UBLCP1: variants seen among roughly 807,000 people sequenced by gnomAD.
UBLCP1 encodes the protein ubiquitin-like domain-containing CTD phosphatase 1.
A neutral mutation model predicts 42.4 loss-of-function variants in UBLCP1; 28 were observed. That is an observed-to-expected ratio of 0.66 (90% CI 0.49 to 0.90). UBLCP1 has a LOEUF of 0.90. Among genes scored for constraint, UBLCP1 ranks in the 40% least tolerant of loss-of-function variants. The pLI, the probability that UBLCP1 is intolerant of heterozygous loss-of-function variation, is 0.00. For synonymous variants in UBLCP1, 122 were observed against 120.8 expected (o/e 1.01, Z -0.07); for missense variants, 279 against 374.5 (o/e 0.75, Z 2.10).
chr5:159,282,991 G>C (rs1178053532), intron 9 of UBLCP1, among the ~76,000 whole-genome samples: 1 of 152,002 alleles, frequency 6.6e-6, no homozygotes, highest in Non-Finnish European at 1.5e-5. Context: ...GTGTTGTCAG[G>C]TTCAGATTGA....
chr5:159,276,449 C>G (rs956602459), intron 8 of UBLCP1, among the ~76,000 whole-genome samples: 1 of 151,910 alleles, frequency 6.6e-6, no homozygotes, highest in African/African-American at 2.4e-5. Context: ...CTGCATGTAT[C>G]GAGAAAAAGA....
chr5:159,274,532 T>A (rs1020750522), intron 6 of UBLCP1, 53 bp from the exon 7 acceptor site: 30 of 1,521,376 alleles, frequency 2.0e-5, no homozygotes, highest in Admixed American at 9.6e-5. Flanking sequence ...AGATTTTTTT[T>A]AAAGAAATTC....
At position 159,270,579 on chromosome 5, in the gene UBLCP1, A is replaced by G. The variant is rs1396635893; in HGVS notation, c.384A>G (p.Glu128=). Residue 128 remains glutamate (E), a synonymous_variant, in exon 5 of 11, where the codon GAA becomes GAG. Transcript: ENST00000296786. ...GCAGAGTGAAAGAGTACAAAGTGGA[A>G]ATTTTGAATCCTCCCAGGGAAGGGA... The part of the protein sequence containing the change: ...ISRRVKEYKV[E]ILNPPREGKK... 1.2e-6 allele frequency: 2 copies of G among 1,611,668 alleles called. No individual in the cohort carries two copies. Among genetic ancestry groups the G allele is most frequent in the Non-Finnish European group, 1.7e-6 (2 of 1,179,266 alleles).
intron 5 of UBLCP1, among the ~76,000 whole-genome samples, 163 bp downstream of exon 5, chr5:159,270,806 C>CA (rs372629838): frequency 0.013 from 1,621 of 120,714 alleles, 25 homozygotes; most frequent in African/African-American, 0.044. Context: ...TACAGATAAG[C>CA]AAAAAAAAAA....
chr5:159,267,304 C>T (rs1447047397), intron 1 of UBLCP1, among the ~76,000 whole-genome samples: 1 of 152,102 alleles, frequency 6.6e-6, no homozygotes, highest in African/African-American at 2.4e-5. Flanking sequence ...TTTGACTGCC[C>T]CGCTGGATTT....
intron 9 of UBLCP1, among the ~76,000 whole-genome samples, chr5:159,280,297 C>T (rs1368438): frequency 0.44 from 66,775 of 152,088 alleles, 15,618 homozygotes; most frequent in Non-Finnish European, 0.51. Flanking sequence ...CTGCCCACGT[C>T]GGCATAGAAA....
At chr5:159,263,625 A>G (rs1753331786) in intron 1 of UBLCP1, among the ~76,000 whole-genome samples, 1 of 152,042 alleles carries the variant, frequency 6.6e-6, no homozygotes, top group South Asian at 2.1e-4. Context: ...CCGTCTTCTC[A>G]GGCTTGTCCA....
Position 159,275,164 on chromosome 5 carries a change from C to G in UBLCP1, c.602C>G (p.Thr201Arg), listed in dbSNP as rs1753517907. The change falls in exon 8 of 11, where the codon ACA becomes AGA. Residue 201 changes from threonine to arginine, a missense_variant. By Grantham distance (71) the Thr-to-Arg change is moderately conservative. Coordinates refer to ENST00000296786, the MANE Select transcript of UBLCP1 (RefSeq NM_145049.5). ...EAKMKELGVS[T>R]NANYKITFML... is the part of the protein sequence containing the mutation. ...TGTTTATAGGAGCTGGGAGTGAGCA[C>G]AAATGCAAATTATAAGATTACTTTC... 1 of 1,613,078 alleles carries G rather than the reference C, an allele frequency of 6.2e-7. No individual in the cohort carries two copies.
At chr5:159,272,186 A>T in intron 6 of UBLCP1, 65 bp downstream of exon 6, 1 of 1,299,886 alleles carries the variant, frequency 7.7e-7, no homozygotes, top group South Asian at 1.3e-5. Context: ...ATTGTGCTGT[A>T]TAAAATGTGA....
intron 2 of UBLCP1, 85 bp from the exon 3 acceptor site, chr5:159,269,823 T>G: frequency 9.0e-7 from 1 of 1,114,370 alleles, no homozygotes; most frequent in East Asian, 2.5e-5. Context: ...GTACCAAACC[T>G]TTTAATGTTA....
In UBLCP1 at chr5:159,270,428, A is replaced by G. The variant is rs150167766; in HGVS notation, c.315A>G (p.Val105=). ...ATGACTTTGATATTGAAGATGAAGT[A>G]GTTGAAGTAGAAAATAGGTAAGTGC... ...VVNDFDIEDE[V]VEVENREENL... is the part of the protein sequence containing the mutation. The change falls in exon 4 of 11, where the codon GTA becomes GTG. Residue 105 remains valine, a synonymous_variant. Transcript: ENST00000296786. The G allele has an allele frequency of 1.7e-5, 28 of 1,613,308 alleles. No individual in the cohort carries two copies. Among genetic ancestry groups the G allele is most frequent in the Non-Finnish European group, 2.3e-5 (27 of 1,179,560 alleles).
chr5:159,272,131 AT>A lies in UBLCP1; in HGVS notation c.547+17del. ...GACATTGTTATTTGGTGTAAGCTGT[AT>A]TTTTTTGTTTAGATTTCCGTGGAAA... is the stretch of plus-strand genomic sequence containing the variant. On this transcript the variant is annotated intron_variant, in intron 6 of 10. Coordinates refer to ENST00000296786, the MANE Select transcript of UBLCP1 (RefSeq NM_145049.5). 1 of 1,606,536 alleles carries A rather than the reference AT, an allele frequency of 6.2e-7. No homozygotes were observed. The highest frequency in any genetic ancestry group is 8.5e-7 in the Non-Finnish European group (1 of 1,174,590).
Position 159,270,452 on chromosome 5 carries a change from G to C in UBLCP1, c.332+7G>C. On this transcript the variant is annotated splice_region_variant and intron_variant, in intron 4 of 10. Transcript: ENST00000296786. ...TAGTTGAAGTAGAAAATAGGTAAGTGCTTTTCGCTTTAGAAGTAATCAGTT... is the reference window on the plus strand; with the variant it reads ...TAGTTGAAGTAGAAAATAGGTAAGTCCTTTTCGCTTTAGAAGTAATCAGTT... 6.2e-7 allele frequency: 1 copy of C among 1,611,860 alleles called. No homozygotes were observed. Among genetic ancestry groups the C allele is most frequent in the East Asian group, 2.2e-5 (1 of 44,760 alleles).
chr5:159,265,281 G>C (rs1164128780), intron 1 of UBLCP1, among the ~76,000 whole-genome samples: 1 of 152,090 alleles, frequency 6.6e-6, no homozygotes, highest in Admixed American at 6.6e-5. Flanking sequence ...TCTTGCAGTT[G>C]GTCCTAATAG....
At chr5:159,278,682 C>T (rs962127971) in intron 9 of UBLCP1, among the ~76,000 whole-genome samples, 16 of 152,090 alleles carry the variant, frequency 1.1e-4, no homozygotes, top group African/African-American at 3.9e-4. Flanking sequence ...AAGTGATTCT[C>T]CTGCCTCAGC....
intron 1 of UBLCP1, among the ~76,000 whole-genome samples, chr5:159,265,224 T>A (rs1753371677): frequency 6.6e-6 from 1 of 152,242 alleles, no homozygotes; most frequent in Non-Finnish European, 1.5e-5. Context: ...TAGGAGACAC[T>A]GTTTTTAAAT....
At chr5:159,282,616 A>C (rs1236374288) in intron 9 of UBLCP1, among the ~76,000 whole-genome samples, 4 of 152,156 alleles carry the variant, frequency 2.6e-5, no homozygotes, top group African/African-American at 9.6e-5. Flanking sequence ...GATCAGCCTT[A>C]AACATTTGGA....
intron 1 of UBLCP1, 52 bp from the exon 2 acceptor site, chr5:159,268,818 C>A: frequency 7.3e-7 from 1 of 1,361,162 alleles, no homozygotes; most frequent in Non-Finnish European, 1.0e-6. Flanking sequence ...AAAAGTTTGG[C>A]TTCAATAAAC....
At position 159,269,707 on chromosome 5, in the gene UBLCP1, C is replaced by T. The variant is rs373620056; in HGVS notation, c.155-201C>T. 1.4e-4 allele frequency among the ~76,000 whole-genome samples: 21 copies of T among 152,224 alleles called. 1 individual carries two copies. In the South Asian group the frequency reaches 4.1e-3, roughly 30 times the overall value. ...TAACATAGAATTGGGGAGAAAATAA[C>T]CCTTGTATTAATTTTGACTTCTTCG... On this transcript the variant is annotated intron_variant, in intron 2 of 10. Coordinates refer to ENST00000296786, the MANE Select transcript of UBLCP1 (RefSeq NM_145049.5).
Sources: gnomAD v4.1 joint callset for allele counts (sites outside exome capture counted in the v4.1 genomes callset) on GRCh38, gnomAD v4.1.1 for gene constraint, MANE v1.5 for transcripts, NCBI Gene and HGNC (gene_info 2026-07-23, HGNC 2026-07-21) for gene names.